Variants in TENM4 observed in about 807,000 individuals in gnomAD.
The protein encoded by TENM4 is teneurin transmembrane protein 4, also known as teneurin-4.
In TENM4, 82 loss-of-function variants were observed where a neutral mutation model predicts 243.3. The observed-to-expected ratio is 0.34, with a 90% CI of 0.28 to 0.40. TENM4 has a LOEUF of 0.40. TENM4 is among the 10% of genes least tolerant of loss of function. The pLI is 1.00. For missense variants in TENM4, 3,138 were observed against 3,673.3 expected (o/e 0.85, Z 3.77); for synonymous variants, 1,412 against 1,456.3 (o/e 0.97, Z 0.69).
chr11:79,352,571 G>T (rs905408664), intron 1 of TENM4, among the ~76,000 whole-genome samples: 28 of 152,230 alleles, frequency 1.8e-4, no homozygotes, highest in African/African-American at 6.3e-4. Context: ...CTGACAGAAG[G>T]ATGTGCATGA....
intron 3 of TENM4, among the ~76,000 whole-genome samples, chr11:79,163,176 G>T (rs1862792373): frequency 6.6e-6 from 1 of 152,150 alleles, no homozygotes; most frequent in South Asian, 2.1e-4. Context: ...GAGAGGACAG[G>T]GGTGAGAGGG....
At chr11:79,307,959 C>A (rs1374779785) in intron 1 of TENM4, among the ~76,000 whole-genome samples, 1 of 152,258 alleles carries the variant, frequency 6.6e-6, no homozygotes, top group East Asian at 1.9e-4. Flanking sequence ...CCATCCTGGG[C>A]TTCTCAGACA....
At chr11:78,852,576 G>A (rs558001486) in intron 12 of TENM4, among the ~76,000 whole-genome samples, 4 of 152,106 alleles carry the variant, frequency 2.6e-5, no homozygotes, top group Non-Finnish European at 4.4e-5. Context: ...CCAGCTATTC[G>A]GGAGGCCAAG....
rs564409528 is a variant in TENM4, at chr11:79,272,147, G to T, written c.-265+25341C>A. 3.3e-5 allele frequency among the ~76,000 whole-genome samples: 5 copies of T among 152,244 alleles called. No homozygotes were observed. The East Asian group carries it at 9.7e-4, about 29-fold the overall frequency. On this transcript the variant is annotated intron_variant, in intron 2 of 33. Transcript: ENST00000278550. ...CACCTCCCACATCCCACCTCCCAGA[G>T]GGACTCAACCAGTCCTGGATTCCAC... is the stretch of plus-strand genomic sequence containing the variant.
intron 1 of TENM4, among the ~76,000 whole-genome samples, chr11:79,414,481 C>T (rs555039747): frequency 6.6e-6 from 1 of 152,262 alleles, no homozygotes; most frequent in East Asian, 1.9e-4. Context: ...CTGAATATGC[C>T]TTATTACTGC....
At chr11:78,859,896 GT>G (rs1277685182) in intron 10 of TENM4, among the ~76,000 whole-genome samples, 5 of 152,134 alleles carry the variant, frequency 3.3e-5, no homozygotes, top group Non-Finnish European at 7.4e-5. Context: ...TTTATTCAAT[GT>G]TTTTTTCCCT....
intron 12 of TENM4, 107 bp downstream of exon 12, chr11:78,853,997 T>C (rs183634069): frequency 2.2e-4 from 255 of 1,150,418 alleles, no homozygotes; most frequent in Middle Eastern, 1.3e-3. Flanking sequence ...TCCAGGGCCA[T>C]CCACAGCTCT....
intron 3 of TENM4, among the ~76,000 whole-genome samples, chr11:79,182,363 G>T (rs755048118): frequency 6.6e-6 from 1 of 152,060 alleles, no homozygotes; most frequent in African/African-American, 2.4e-5. Context: ...TTCAACAAAT[G>T]GTGTAGGGAC....
rs747584646 is a variant in TENM4, at chr11:78,771,083, A to T, written c.2448T>A (p.Gly816=). 18 of 1,576,374 alleles carry T rather than the reference A, an allele frequency of 1.1e-5. No homozygotes were observed. The highest frequency in any genetic ancestry group is 1.6e-5 in the Non-Finnish European group (18 of 1,160,822). Reference sequence around the variant, plus strand: ...AGCCCAGCTGGCAGACGCAGTGCCAACCATTCAGGTCTAAGGTACATCTGC... The same window carrying T: ...AGCCCAGCTGGCAGACGCAGTGCCATCCATTCAGGTCTAAGGTACATCTGC... ...GNGRCTLDLN[G]WHCVCQLGWR... Residue 816 remains glycine (G), a synonymous_variant, in exon 18 of 34, where the codon GGT becomes GGA. Transcript: ENST00000278550.
chr11:79,147,149 A>G (rs1591315160), intron 4 of TENM4, among the ~76,000 whole-genome samples: 2 of 152,190 alleles, frequency 1.3e-5, no homozygotes, highest in Admixed American at 1.3e-4. Flanking sequence ...CAAAGTATTG[A>G]TACAGTCCAT....
At chr11:79,012,124 G>A (rs956693817) in intron 6 of TENM4, among the ~76,000 whole-genome samples, 6 of 152,128 alleles carry the variant, frequency 3.9e-5, no homozygotes, top group African/African-American at 1.4e-4. Flanking sequence ...AATGAGACCG[G>A]CTCCTCTGTC....
intron 2 of TENM4, among the ~76,000 whole-genome samples, chr11:79,252,904 ATT>A (rs1314841414): frequency 6.6e-6 from 1 of 152,202 alleles, no homozygotes; most frequent in Non-Finnish European, 1.5e-5. Context: ...AGAGTCAATG[ATT>A]GTTTTAAGCT....
intron 6 of TENM4, among the ~76,000 whole-genome samples, chr11:79,006,140 A>G (rs1858478391): frequency 6.6e-6 from 1 of 152,204 alleles, no homozygotes; most frequent in African/African-American, 2.4e-5. Context: ...GGAGGGGAAT[A>G]CTTGCTTTTT....
intron 1 of TENM4, among the ~76,000 whole-genome samples, chr11:79,320,721 A>G (rs1305436873): frequency 1.3e-5 from 2 of 152,226 alleles, no homozygotes; most frequent in South Asian, 4.1e-4. Context: ...GCCGATAATG[A>G]TGATAAGAAT....
intron 1 of TENM4, among the ~76,000 whole-genome samples, chr11:79,381,912 G>C (rs1055739704): frequency 2.0e-5 from 3 of 152,100 alleles, no homozygotes; most frequent in Non-Finnish European, 4.4e-5. Flanking sequence ...TCCTTGAACA[G>C]GCCTTGACAA....
intron 1 of TENM4, chr11:79,422,282 C>CACACACAG (rs1491326331): frequency 6.6e-6 from 1 of 150,546 alleles, no homozygotes; most frequent in African/African-American, 2.5e-5. Context: ...CACACACACA[C>CACACACAG]AGAGTAAAGG....
intron 28 of TENM4, among the ~76,000 whole-genome samples, chr11:78,697,394 C>A (rs1858994665): frequency 6.6e-6 from 1 of 152,156 alleles, no homozygotes; most frequent in African/African-American, 2.4e-5. Flanking sequence ...CACGAATTTA[C>A]CTTTTGTCTG....
chr11:79,103,541 A>C (rs1861285832), intron 4 of TENM4, among the ~76,000 whole-genome samples: 1 of 152,182 alleles, frequency 6.6e-6, no homozygotes, highest in African/African-American at 2.4e-5. Flanking sequence ...CATCACTCGC[A>C]TACATTACTG....
At chr11:78,928,916 A>G (rs1856610503) in intron 6 of TENM4, among the ~76,000 whole-genome samples, 5 of 152,234 alleles carry the variant, frequency 3.3e-5, no homozygotes, top group Admixed American at 2.6e-4. Flanking sequence ...GGCATGAGCC[A>G]CTTCCTACAG....
Sources: gnomAD v4.1 joint callset for allele counts (sites outside exome capture counted in the v4.1 genomes callset) on GRCh38, gnomAD v4.1.1 for gene constraint, MANE v1.5 for transcripts, NCBI Gene and HGNC (gene_info 2026-07-23, HGNC 2026-07-21) for gene names.